MYO18B: variants seen among roughly 807,000 people sequenced by gnomAD.
The protein encoded by MYO18B is myosin XVIIIB, also known as unconventional myosin-XVIIIb.
In MYO18B, 204 loss-of-function variants were observed where a neutral mutation model predicts 273.0. That is an observed-to-expected ratio of 0.75 (90% CI 0.67 to 0.84). MYO18B has a LOEUF of 0.84. Ranked by LOEUF, MYO18B falls within the 40% of genes least tolerant of loss-of-function variation. The pLI is 0.00. For missense variants in MYO18B, 3,212 were observed against 3,287.6 expected (o/e 0.98, Z 0.56); for synonymous variants, 1,330 against 1,305.7 (o/e 1.02, Z -0.40).
chr22:25,902,581 C>T (rs370650650), intron 29 of MYO18B, 32 bp from the exon 30 acceptor site: 122 of 1,593,986 alleles, frequency 7.7e-5, no homozygotes, highest in African/African-American at 5.8e-4. Context: ...CACCTGCCTA[C>T]GGGGCCCTGA....
At chr22:25,748,294 G>A (rs1467535931) in intron 1 of MYO18B, among the ~76,000 whole-genome samples, 2 of 152,202 alleles carry the variant, frequency 1.3e-5, no homozygotes, top group African/African-American at 2.4e-5. Flanking sequence ...TACTCATTGG[G>A]ACATGAGGAC....
chr22:26,000,727 A>AAAC (rs982699093), intron 40 of MYO18B, among the ~76,000 whole-genome samples: 1 of 152,094 alleles, frequency 6.6e-6, no homozygotes, highest in African/African-American at 2.4e-5. Flanking sequence ...TTCTTATTTT[A>AAAC]AACATACTCT....
chr22:25,878,675 C>T (rs987262515), intron 25 of MYO18B, among the ~76,000 whole-genome samples: 1 of 152,170 alleles, frequency 6.6e-6, no homozygotes, highest in African/African-American at 2.4e-5. Flanking sequence ...CAAATTAACA[C>T]CTTAATAGGT....
intron 42 of MYO18B, among the ~76,000 whole-genome samples, chr22:26,025,105 G>A (rs1261408531): frequency 6.6e-6 from 1 of 152,124 alleles, no homozygotes; most frequent in African/African-American, 2.4e-5. Flanking sequence ...ATCATATTGA[G>A]GATTAGGTGT....
intron 20 of MYO18B, among the ~76,000 whole-genome samples, chr22:25,849,960 C>T (rs1569108114): frequency 1.3e-5 from 2 of 152,302 alleles, no homozygotes; most frequent in East Asian, 3.9e-4. Context: ...AATTGAATCT[C>T]AGAAAGGTGA....
chr22:25,949,445 T>C (rs550208244), intron 36 of MYO18B, among the ~76,000 whole-genome samples: 1 of 151,880 alleles, frequency 6.6e-6, no homozygotes, highest in African/African-American at 2.4e-5. Flanking sequence ...AGGGGTATGA[T>C]GTGGAATCCC....
chr22:25,942,585 A>G lies in MYO18B; in HGVS notation c.5518-3552A>G, dbSNP rs2092657243. Among the ~76,000 whole-genome samples the G allele has an allele frequency of 3.3e-5, 5 of 152,314 alleles. No individual in the cohort carries two copies. In the South Asian group the frequency reaches 1.0e-3, roughly 32 times the overall value. ...GCGTTGGAGCAAGCAGGCTCTCCAC[A>G]GACCAGCTCTGTGATGGTGAACAAG... On this transcript the variant is annotated intron_variant, in intron 34 of 43. Transcript: ENST00000335473.
intron 14 of MYO18B, among the ~76,000 whole-genome samples, chr22:25,827,190 T>G (rs1431793001): frequency 2.0e-5 from 3 of 152,182 alleles, no homozygotes; most frequent in Non-Finnish European, 2.9e-5. Context: ...TTTGCATCAT[T>G]GAATACTCAC....
chr22:25,992,249 A>G, intron 39 of MYO18B, 114 bp from the exon 40 acceptor site: 1 of 1,334,558 alleles, frequency 7.5e-7, no homozygotes, highest in African/African-American at 1.4e-5. Context: ...TTACCACTTC[A>G]TAGGTGCTCA....
chr22:25,835,503 C>A (rs567590840), intron 17 of MYO18B, 60 bp downstream of exon 17: 2 of 1,602,394 alleles, frequency 1.2e-6, no homozygotes, highest in Admixed American at 3.4e-5. Flanking sequence ...AGAATCTGTT[C>A]TTCTCTGCTG....
intron 5 of MYO18B, 139 bp downstream of exon 5, chr22:25,770,315 G>T (rs935551833): frequency 8.2e-6 from 6 of 735,552 alleles, no homozygotes; most frequent in South Asian, 5.6e-5. Context: ...TCTTTCAAAG[G>T]CATTTGTGTC....
intron 2 of MYO18B, 52 bp downstream of exon 2, chr22:25,761,183 C>A: frequency 6.2e-7 from 1 of 1,601,620 alleles, no homozygotes; most frequent in Non-Finnish European, 8.5e-7. Context: ...ACTGACTCGA[C>A]CCTCGGGAGA....
intron 42 of MYO18B, among the ~76,000 whole-genome samples, chr22:26,014,649 AT>A (rs926813455): frequency 4.3e-4 from 66 of 151,734 alleles, no homozygotes; most frequent in Middle Eastern, 3.4e-3. Flanking sequence ...ATAAATAAAC[AT>A]TTTTTTTTCC....
At chr22:25,886,930 G>C (rs1240646559) in intron 25 of MYO18B, among the ~76,000 whole-genome samples, 1 of 152,132 alleles carries the variant, frequency 6.6e-6, no homozygotes, top group African/African-American at 2.4e-5. Context: ...GTATTTGAAG[G>C]GCTTAAGGCA....
At chr22:25,914,377 T>C (rs2092220872) in intron 33 of MYO18B, among the ~76,000 whole-genome samples, 1 of 152,208 alleles carries the variant, frequency 6.6e-6, no homozygotes, top group African/African-American at 2.4e-5. Flanking sequence ...GCATATGCCC[T>C]CTCCATTTAT....
chr22:25,813,184 CTT>C lies in MYO18B; in HGVS notation c.2522-10305_2522-10304del, dbSNP rs66708568. 6.8e-3 allele frequency among the ~76,000 whole-genome samples: 670 copies of C among 98,566 alleles called. 6 individuals are homozygous for C. Among genetic ancestry groups the C allele is most frequent in the Non-Finnish European group, 7.0e-3 (347 of 49,330 alleles). 64.7% of individuals were successfully genotyped at this position (98,566 alleles called of 152,430 possible). ...CCTCCTCTTCTTCCTCTTCTTCTTC[CTT>C]TTTTTTTTTTTTTTTGAGACGGAGT... On this transcript the variant is annotated intron_variant, in intron 12 of 43. Transcript: ENST00000335473.
At chr22:25,840,244 C>G (rs904925426) in intron 17 of MYO18B, among the ~76,000 whole-genome samples, 1 of 152,236 alleles carries the variant, frequency 6.6e-6, no homozygotes, top group Non-Finnish European at 1.5e-5. Flanking sequence ...TTCCTCTCCT[C>G]TCTCCTGTCA....
At chr22:25,848,724 C>G (rs1187858792) in intron 20 of MYO18B, among the ~76,000 whole-genome samples, 2 of 152,170 alleles carry the variant, frequency 1.3e-5, no homozygotes, top group African/African-American at 4.8e-5. Context: ...CTATTCTTTT[C>G]TGCCTCTCAG....
chr22:25,949,561 C>G (rs1601661365), intron 36 of MYO18B, among the ~76,000 whole-genome samples: 2 of 152,326 alleles, frequency 1.3e-5, no homozygotes, highest in Admixed American at 6.5e-5. Flanking sequence ...GCTCTAAATG[C>G]ATCTGACAGA....
Sources: gnomAD v4.1 joint callset for allele counts (sites outside exome capture counted in the v4.1 genomes callset) on GRCh38, gnomAD v4.1.1 for gene constraint, MANE v1.5 for transcripts, NCBI Gene and HGNC (gene_info 2026-07-23, HGNC 2026-07-21) for gene names.